The following FANCA variants were observed in gnomAD, a reference collection of about 807,000 sequenced individuals.
The protein encoded by FANCA is Fanconi anemia group A protein.
FANCA carries 236 observed loss-of-function variants against 194.3 expected under a neutral mutation model. That is an observed-to-expected ratio of 1.21 (90% confidence interval 1.09 to 1.35). The LOEUF (loss-of-function observed/expected upper bound fraction) is 1.35, where lower values mean the gene tolerates loss of function less well. FANCA is among the 40% of genes most tolerant of loss of function. The pLI is 0.00. For synonymous variants in FANCA, 1,014 were observed against 715.8 expected (o/e 1.42, Z -6.65); for missense variants, 2,628 against 1,813.9 (o/e 1.45, Z -8.15).
chr16:89,782,346 T>C (rs567705303), intron 17 of FANCA, among the ~76,000 whole-genome samples: 139 of 151,400 alleles, frequency 9.2e-4, no homozygotes, highest in African/African-American at 3.2e-3. Context: ...CCTGACTCTA[T>C]TAAAAATACA....
At chr16:89,760,447 G>C (rs1052458696) in intron 29 of FANCA, among the ~76,000 whole-genome samples, 1 of 152,190 alleles carries the variant, frequency 6.6e-6, no homozygotes. Flanking sequence ...TGGCCGGAAG[G>C]ACGAGGAGCA....
intron 22 of FANCA, 76 bp downstream of exon 22, chr16:89,773,195 G>C: frequency 1.7e-6 from 2 of 1,170,976 alleles, no homozygotes; most frequent in Non-Finnish European, 2.5e-6. Flanking sequence ...TCACTATGGG[G>C]AAAATGGCCC....
intron 7 of FANCA, among the ~76,000 whole-genome samples, chr16:89,804,832 G>C (rs961525025): frequency 6.6e-6 from 1 of 152,194 alleles, no homozygotes; most frequent in Admixed American, 6.5e-5. Context: ...AGGAGTTCAA[G>C]AGCAGCCTGG....
chr16:89,813,840 G>A (rs1187610247), intron 3 of FANCA, among the ~76,000 whole-genome samples: 1 of 151,426 alleles, frequency 6.6e-6, no homozygotes, highest in Non-Finnish European at 1.5e-5. Context: ...GTGTCCGTGT[G>A]CACGTGCGTG....
rs1446370085 is a variant in FANCA, at chr16:89,739,516, C to T, written c.3972G>A (p.Pro1324=). ...AAGGCAGCAGCCTGGTGTGCTGATC[C>T]GGGGCCACACGGAGGAGGAGCCGCC... ...RLGRLLLRVA[P]DQHTRLLPFA... Residue 1324 remains proline, a synonymous_variant, in exon 40 of 43, where the codon CCG becomes CCA. Transcript: ENST00000389301. 11 of 1,551,320 alleles carry T rather than the reference C, an allele frequency of 7.1e-6. No homozygotes were observed. In the East Asian group the frequency reaches 1.2e-4, roughly 17 times the overall value.
intron 5 of FANCA, among the ~76,000 whole-genome samples, chr16:89,808,910 ATTTT>A (rs112058471): frequency 7.1e-6 from 1 of 140,606 alleles, no homozygotes; most frequent in Admixed American, 7.1e-5. Flanking sequence ...CTCACACTCT[ATTTT>A]TTTTTTTTTG....
chr16:89,799,965 G>T (rs752483970), intron 8 of FANCA, among the ~76,000 whole-genome samples: 1 of 152,202 alleles, frequency 6.6e-6, no homozygotes, highest in Non-Finnish European at 1.5e-5. Flanking sequence ...CTGCAGTCCG[G>T]CCCGGGCGAA....
intron 36 of FANCA, among the ~76,000 whole-genome samples, chr16:89,743,657 C>G (rs962975436): frequency 1.3e-5 from 2 of 152,018 alleles, no homozygotes; most frequent in African/African-American, 4.8e-5. Context: ...AACCCTGTCT[C>G]TACTAAAAAT....
At chr16:89,764,736 G>C (rs1265504325) in intron 28 of FANCA, 154 bp downstream of exon 28, 4 of 907,668 alleles carry the variant, frequency 4.4e-6, no homozygotes, top group Non-Finnish European at 7.3e-6. Flanking sequence ...CTCGAGACGA[G>C]GAGACAGTCG....
chr16:89,748,018 C>A (rs1436061814), intron 33 of FANCA, among the ~76,000 whole-genome samples: 1 of 152,206 alleles, frequency 6.6e-6, no homozygotes, highest in East Asian at 1.9e-4. Flanking sequence ...CTCAATTACT[C>A]CTCCTGACCC....
chr16:89,767,004 C>A (rs1760456271), intron 27 of FANCA, 137 bp downstream of exon 27: 4 of 757,504 alleles, frequency 5.3e-6, no homozygotes, highest in Non-Finnish European at 9.4e-6. Context: ...AGGAGCTGCC[C>A]CATGACAGCC....
intron 11 of FANCA, among the ~76,000 whole-genome samples, chr16:89,795,632 T>G (rs767478327): frequency 6.6e-6 from 1 of 152,236 alleles, no homozygotes; most frequent in Non-Finnish European, 1.5e-5. Context: ...AGTGAGACTC[T>G]GACTCAAACA....
rs1166127274 is a variant in FANCA at position 89,737,938 on chromosome 16, G to T, written c.*663C>A. The T allele has an allele frequency of 6.2e-7, 1 of 1,613,788 alleles. No homozygotes were observed. Among genetic ancestry groups the T allele is most frequent in the African/African-American group, 1.3e-5 (1 of 74,896 alleles). On this transcript the variant is annotated 3_prime_UTR_variant, in exon 43 of 43. Coordinates refer to ENST00000389301, the MANE Select transcript of FANCA (RefSeq NM_000135.4). ...TGAGTCAGGACCCCCTCCCAGGGCT[G>T]TGGCCCTCGCACCTTCTTATCTGCC...
At chr16:89,769,234 C>T (rs1022670284) in intron 26 of FANCA, among the ~76,000 whole-genome samples, 11 of 152,226 alleles carry the variant, frequency 7.2e-5, no homozygotes, top group African/African-American at 2.7e-4. Flanking sequence ...CAAGCCAAGC[C>T]CCAGCCAGCA....
At chr16:89,787,956 C>T (rs1484007932) in intron 14 of FANCA, among the ~76,000 whole-genome samples, 1 of 151,886 alleles carries the variant, frequency 6.6e-6, no homozygotes, top group African/African-American at 2.4e-5. Context: ...TCACTGCAAC[C>T]TGCGCGTTCC....
chr16:89,814,415 C>A, intron 3 of FANCA, 105 bp downstream of exon 3: 1 of 847,398 alleles, frequency 1.2e-6, no homozygotes, highest in South Asian at 1.6e-5. Flanking sequence ...CAGTGGAAAC[C>A]CATCGCCTGA....
intron 3 of FANCA, among the ~76,000 whole-genome samples, chr16:89,813,953 C>G (rs1050930177): frequency 1.3e-5 from 2 of 152,128 alleles, no homozygotes; most frequent in African/African-American, 4.8e-5. Flanking sequence ...TGATAATATG[C>G]AATTTGTGAA....
chr16:89,757,196 A>C (rs975458079), intron 30 of FANCA, among the ~76,000 whole-genome samples: 2 of 152,118 alleles, frequency 1.3e-5, no homozygotes, highest in African/African-American at 4.8e-5. Context: ...TCCTGAGCTC[A>C]GATGATCCGC....
In FANCA at chr16:89,739,230, G is replaced by C; in HGVS notation, c.4070C>G (p.Ala1357Gly). Residue 1357 changes from alanine (A) to glycine (G), a missense_variant, in exon 41 of 43, where the codon GCT (alanine) becomes GGT (glycine). Physicochemically the swap from Ala to Gly is moderately conservative, Grantham distance 60. Transcript: ENST00000389301. ...AIREEAFLHV[A>G]VDMYLKLVQL... ...GACCAGCTTCAAGTACATGTCCACA[G>C]CAACATGCAGGAAGGCCTCTTCCCT... 3 of 1,614,174 alleles carry C rather than the reference G, an allele frequency of 1.9e-6. No homozygotes were observed. The highest frequency in any genetic ancestry group is 2.5e-6 in the Non-Finnish European group (3 of 1,180,036).
Sources: allele counts gnomAD v4.1 joint callset (sites outside exome capture counted in the v4.1 genomes callset), GRCh38; gene constraint gnomAD v4.1.1; transcripts MANE v1.5; gene names NCBI Gene and HGNC (gene_info 2026-07-23, HGNC 2026-07-21).